ATP8A2: variants seen among roughly 807,000 people sequenced by gnomAD.
ATP8A2 encodes ATPase phospholipid transporting 8A2, also known as phospholipid-transporting ATPase IB.
ATP8A2 carries 100 observed loss-of-function variants against 165.6 expected under a neutral mutation model. The observed-to-expected ratio is 0.60, with a 90% CI of 0.51 to 0.71. The LOEUF (loss-of-function observed/expected upper bound fraction) is 0.71, where lower values mean the gene tolerates loss of function less well. Among genes scored for constraint, ATP8A2 ranks in the 30% least tolerant of loss-of-function variants. ATP8A2 has a pLI of 0.00. For missense variants in ATP8A2, 1,227 were observed against 1,479.5 expected (o/e 0.83, Z 2.80); for synonymous variants, 543 against 548.8 (o/e 0.99, Z 0.15).
chr13:25,438,606 A>C (rs937222915), intron 1 of ATP8A2, among the ~76,000 whole-genome samples: 2 of 152,062 alleles, frequency 1.3e-5, no homozygotes, highest in Non-Finnish European at 2.9e-5. Context: ...GCACCAGTGC[A>C]CTCCAGCCTG....
At chr13:25,837,086 A>G (rs1344328668) in intron 28 of ATP8A2, 77 bp from the exon 29 acceptor site, 1 of 1,551,858 alleles carries the variant, frequency 6.4e-7, no homozygotes, top group Non-Finnish European at 8.7e-7. Flanking sequence ...AAGTGAAGTC[A>G]TCATTTGGTA....
chr13:25,728,209 G>A (rs1264478686), intron 25 of ATP8A2, among the ~76,000 whole-genome samples: 1 of 152,192 alleles, frequency 6.6e-6, no homozygotes, highest in Non-Finnish European at 1.5e-5. Context: ...ATGAACAGCA[G>A]CTGTAGTGAC....
At position 25,836,482 on chromosome 13, in the gene ATP8A2, T is replaced by C. The variant is rs115796303; in HGVS notation, c.2755-681T>C. On this transcript the variant is annotated intron_variant, in intron 28 of 36. Coordinates refer to ENST00000381655, the MANE Select transcript of ATP8A2 (RefSeq NM_016529.6). ...ACCTTGCAGGTCAGATACTCTTTGGTGCAAGAATCCTTTGGTGACTCTCCC... is the reference window on the plus strand; with the variant it reads ...ACCTTGCAGGTCAGATACTCTTTGGCGCAAGAATCCTTTGGTGACTCTCCC... Among the ~76,000 whole-genome samples, 665 of 152,314 alleles carry C rather than the reference T, an allele frequency of 4.4e-3. 4 individuals are homozygous for C. The highest frequency in any genetic ancestry group is 0.015 in the African/African-American group (641 of 41,568).
chr13:25,912,549 C>G (rs1008952255), intron 33 of ATP8A2, among the ~76,000 whole-genome samples: 1 of 152,132 alleles, frequency 6.6e-6, no homozygotes, highest in African/African-American at 2.4e-5. Flanking sequence ...CAAAAGTTCT[C>G]TCCACAAAAA....
chr13:25,538,881 A>G (rs1452780244), intron 7 of ATP8A2, among the ~76,000 whole-genome samples: 3 of 152,174 alleles, frequency 2.0e-5, no homozygotes, highest in Admixed American at 2.0e-4. Flanking sequence ...TTGAGATAAT[A>G]GATTTAAAAA....
chr13:25,811,741 G>A (rs554514768), intron 27 of ATP8A2, among the ~76,000 whole-genome samples: 1 of 152,246 alleles, frequency 6.6e-6, no homozygotes, highest in Non-Finnish European at 1.5e-5. Flanking sequence ...TGTTCCTATA[G>A]TCTCAGCTAC....
At chr13:25,819,993 A>G (rs1951132720) in intron 27 of ATP8A2, among the ~76,000 whole-genome samples, 1 of 152,144 alleles carries the variant, frequency 6.6e-6, no homozygotes, top group Non-Finnish European at 1.5e-5. Flanking sequence ...GTACTTTTTC[A>G]CTTCAGTCCT....
intron 33 of ATP8A2, among the ~76,000 whole-genome samples, chr13:25,931,690 C>G (rs1954772178): frequency 6.6e-6 from 1 of 152,158 alleles, no homozygotes; most frequent in African/African-American, 2.4e-5. Flanking sequence ...GGGGAAGAAT[C>G]TTGAAGCCCG....
chr13:25,401,846 C>T (rs1281938597), intron 1 of ATP8A2, among the ~76,000 whole-genome samples: 2 of 152,114 alleles, frequency 1.3e-5, no homozygotes. Flanking sequence ...AACATCACTA[C>T]TGTTGTGCTT....
intron 24 of ATP8A2, among the ~76,000 whole-genome samples, chr13:25,643,336 C>T (rs2137580891): frequency 6.6e-6 from 1 of 152,206 alleles, no homozygotes; most frequent in African/African-American, 2.4e-5. Context: ...ATGTTTTCAT[C>T]CTTTCTTCTG....
At chr13:25,686,881 G>A (rs763299982) in intron 24 of ATP8A2, among the ~76,000 whole-genome samples, 6 of 152,150 alleles carry the variant, frequency 3.9e-5, no homozygotes, top group South Asian at 2.1e-4. Context: ...ATGACACCGC[G>A]TTCTGTTTTT....
intron 24 of ATP8A2, among the ~76,000 whole-genome samples, chr13:25,696,816 G>T (rs61947317): frequency 0.038 from 5,815 of 152,242 alleles, 169 homozygotes; most frequent in Middle Eastern, 0.099. Flanking sequence ...TTTCCTTCAA[G>T]AACTTTTCCT....
At chr13:25,769,022 T>C in intron 25 of ATP8A2, 24 bp from the exon 26 acceptor site, 1 of 1,610,500 alleles carries the variant, frequency 6.2e-7, no homozygotes, top group South Asian at 1.1e-5. Context: ...TGCATAGCTC[T>C]GATTTCCCTC....
chr13:25,475,257 T>C (rs2035961470), intron 2 of ATP8A2, among the ~76,000 whole-genome samples: 1 of 152,186 alleles, frequency 6.6e-6, no homozygotes, highest in Admixed American at 6.5e-5. Flanking sequence ...CTCTTGTAAG[T>C]GAGAATATGC....
rs115918294 is a variant in ATP8A2, at chr13:25,577,168, G to A, written c.1782+30G>A. 1.4e-3 allele frequency: 2,195 copies of A among 1,588,800 alleles called. 37 individuals carry two copies. The African/African-American group carries it at 0.026, about 19-fold the overall frequency. On this transcript the variant is annotated intron_variant, in intron 20 of 36. Coordinates refer to ENST00000381655, the MANE Select transcript of ATP8A2 (RefSeq NM_016529.6). ...GTACCGGAGAAGCGTTGTGCGTAGC[G>A]GAGTTCTTGGCAGCTTTGTTAATCT...
chr13:25,570,728 G>A (rs1566281778), intron 16 of ATP8A2, 39 bp from the exon 17 acceptor site: 1 of 1,503,018 alleles, frequency 6.7e-7, no homozygotes, highest in African/African-American at 1.4e-5. Flanking sequence ...GCCTGTTGAA[G>A]GTGTTGTATC....
chr13:25,479,503 T>C (rs1175934736), intron 2 of ATP8A2, among the ~76,000 whole-genome samples: 6 of 152,228 alleles, frequency 3.9e-5, no homozygotes, highest in East Asian at 1.9e-4. Context: ...TTTTTATTTT[T>C]ATTTTTATTG....
At chr13:25,902,100 G>T (rs1953768752) in intron 33 of ATP8A2, among the ~76,000 whole-genome samples, 1 of 152,136 alleles carries the variant, frequency 6.6e-6, no homozygotes, top group South Asian at 2.1e-4. Flanking sequence ...ATAGGGGTAT[G>T]GGGTTTAAAA....
intron 24 of ATP8A2, among the ~76,000 whole-genome samples, chr13:25,646,501 A>G (rs1298220124): frequency 1.3e-5 from 2 of 151,710 alleles, no homozygotes; most frequent in Non-Finnish European, 2.9e-5. Context: ...TAAAAATACA[A>G]AAAAATTAGC....
Sources: allele counts gnomAD v4.1 joint callset (sites outside exome capture counted in the v4.1 genomes callset), GRCh38; gene constraint gnomAD v4.1.1; transcripts MANE v1.5; gene names NCBI Gene and HGNC (gene_info 2026-07-23, HGNC 2026-07-21).